Variants in CDC14B observed in about 807,000 individuals in gnomAD.
CDC14B encodes cell division cycle 14B, also known as dual specificity protein phosphatase CDC14B.
Under a neutral mutation model 64.2 loss-of-function variants are expected in CDC14B, and 22 were observed. That is an observed-to-expected ratio of 0.34 (90% CI 0.24 to 0.49). CDC14B has a LOEUF of 0.49. Ranked by LOEUF, CDC14B falls within the 20% of genes least tolerant of loss-of-function variation. The pLI, the probability that CDC14B is intolerant of heterozygous loss-of-function variation, is 0.99. For missense variants in CDC14B, 498 were observed against 629.9 expected (o/e 0.79, Z 2.24); for synonymous variants, 191 against 215.8 (o/e 0.89, Z 1.01).
chr9:96,518,997 G>A (rs940728194), intron 12 of CDC14B, among the ~76,000 whole-genome samples: 5 of 151,974 alleles, frequency 3.3e-5, no homozygotes, highest in African/African-American at 7.3e-5. Context: ...TTAGCCGGGC[G>A]TGGTGGTGGG....
chr9:96,503,670 T>A lies in CDC14B; in HGVS notation c.*83A>T. ...AAAAGCAACTAAGGCTTTTGCAATT[T>A]TGTTTTGTTTTCAAATTGTGCTAAT... On this transcript the variant is annotated 3_prime_UTR_variant, in exon 14 of 14. Transcript: ENST00000375241. The A allele has an allele frequency of 7.8e-7, 1 of 1,276,288 alleles. No individual in the cohort carries two copies. The highest frequency in any genetic ancestry group is 1.1e-6 in the Non-Finnish European group (1 of 888,258). The allele number at this position is 1,276,288 out of a possible 1,614,324, so 79.1% of individuals were successfully genotyped here. A position where few individuals can be genotyped will look rare whatever the true frequency, so the allele number is the denominator to read the frequency against.
intron 1 of CDC14B, among the ~76,000 whole-genome samples, chr9:96,570,680 GGCA>G (rs1564361581): frequency 6.6e-6 from 1 of 152,152 alleles, no homozygotes; most frequent in Admixed American, 6.5e-5. Context: ...ACAAAGAAGC[GGCA>G]GCAGCATTAC....
At chr9:96,566,955 C>T (rs1352461620) in intron 1 of CDC14B, 1 of 1,484,480 alleles carries the variant, frequency 6.7e-7, no homozygotes, top group African/African-American at 1.4e-5. Flanking sequence ...CGACACCCCT[C>T]GGCGGCCCAA....
At chr9:96,618,447 A>C in intron 1 of CDC14B, 2 of 531,208 alleles carry the variant, frequency 3.8e-6, no homozygotes, top group South Asian at 2.8e-5. Context: ...CTCCAAGAAC[A>C]GTCGAATCAG....
intron 12 of CDC14B, among the ~76,000 whole-genome samples, chr9:96,521,732 C>T (rs1836754023): frequency 6.6e-6 from 1 of 152,116 alleles, no homozygotes; most frequent in Non-Finnish European, 1.5e-5. Flanking sequence ...GATCTATGTC[C>T]ATCACACTCC....
chr9:96,539,861 A>T (rs1839794575), intron 6 of CDC14B, among the ~76,000 whole-genome samples: 1 of 152,238 alleles, frequency 6.6e-6, no homozygotes, highest in African/African-American at 2.4e-5. Context: ...CCTCTGAGAA[A>T]TATCCTCCTG....
chr9:96,598,951 T>C (rs575065051), intron 1 of CDC14B, among the ~76,000 whole-genome samples: 3 of 152,374 alleles, frequency 2.0e-5, no homozygotes, highest in Admixed American at 6.5e-5. Context: ...TGAAATAAAG[T>C]TGAAATCTTT....
chr9:96,526,494 C>T (rs1219708109), intron 9 of CDC14B, among the ~76,000 whole-genome samples: 2 of 152,154 alleles, frequency 1.3e-5, no homozygotes, highest in Admixed American at 6.5e-5. Context: ...CAGTGCCTTG[C>T]CCTTAGACTT....
intron 1 of CDC14B, among the ~76,000 whole-genome samples, chr9:96,594,512 T>C (rs994708549): frequency 3.4e-5 from 5 of 148,958 alleles, no homozygotes; most frequent in African/African-American, 1.2e-4. Context: ...AGGCCAGGAG[T>C]TTAAGACCAG....
At chr9:96,563,302 T>A (rs1478426168) in intron 3 of CDC14B, among the ~76,000 whole-genome samples, 1 of 152,148 alleles carries the variant, frequency 6.6e-6, no homozygotes, top group East Asian at 1.9e-4. Context: ...TATATTCCAT[T>A]AGTGAAAGTT....
At chr9:96,602,818 T>C (rs1324339110) in intron 1 of CDC14B, among the ~76,000 whole-genome samples, 1 of 152,116 alleles carries the variant, frequency 6.6e-6, no homozygotes, top group Non-Finnish European at 1.5e-5. Context: ...TGATTTTTTT[T>C]CTCTCTCTCT....
chr9:96,586,609 A>AT (rs1480680156), intron 1 of CDC14B, among the ~76,000 whole-genome samples: 3 of 151,908 alleles, frequency 2.0e-5, no homozygotes, highest in South Asian at 2.1e-4. Flanking sequence ...TAATTTTTAA[A>AT]TTTTTTTGTG....
chr9:96,549,291 G>A (rs1841448460), intron 5 of CDC14B, among the ~76,000 whole-genome samples: 1 of 152,092 alleles, frequency 6.6e-6, no homozygotes, highest in Non-Finnish European at 1.5e-5. Flanking sequence ...ACATAAAATT[G>A]CTCTATTCGA....
At chr9:96,613,290 A>G (rs1847432090) in intron 1 of CDC14B, among the ~76,000 whole-genome samples, 1 of 152,218 alleles carries the variant, frequency 6.6e-6, no homozygotes. Flanking sequence ...CCTTTCTTCC[A>G]TCCTAAAAAT....
At chr9:96,595,308 G>T (rs1377461938) in intron 1 of CDC14B, among the ~76,000 whole-genome samples, 1 of 152,156 alleles carries the variant, frequency 6.6e-6, no homozygotes, top group African/African-American at 2.4e-5. Context: ...TAACACCCAT[G>T]AAGTAAAATT....
At chr9:96,552,384 T>G (rs1841946781) in intron 4 of CDC14B, among the ~76,000 whole-genome samples, 1 of 152,246 alleles carries the variant, frequency 6.6e-6, no homozygotes, top group African/African-American at 2.4e-5. Context: ...GCTCATTGAC[T>G]TCTTTTGTCC....
At chr9:96,592,210 T>G (rs1845830545) in intron 1 of CDC14B, among the ~76,000 whole-genome samples, 1 of 152,192 alleles carries the variant, frequency 6.6e-6, no homozygotes, top group Non-Finnish European at 1.5e-5. Context: ...CCCACATTGC[T>G]GGGACTACTG....
chr9:96,552,010 C>T, intron 4 of CDC14B, 138 bp from the exon 5 acceptor site: 3 of 1,115,648 alleles, frequency 2.7e-6, no homozygotes, highest in Non-Finnish European at 3.7e-6. Context: ...AGGAATCACC[C>T]AGAATCCTGT....
chr9:96,618,447 A>G (rs1368913013), intron 1 of CDC14B: 1 of 531,090 alleles, frequency 1.9e-6, no homozygotes, highest in Admixed American at 1.9e-5. Flanking sequence ...CTCCAAGAAC[A>G]GTCGAATCAG....
Sources: gnomAD v4.1 joint callset for allele counts (sites outside exome capture counted in the v4.1 genomes callset) on GRCh38, gnomAD v4.1.1 for gene constraint, MANE v1.5 for transcripts, NCBI Gene and HGNC (gene_info 2026-07-23, HGNC 2026-07-21) for gene names.